Variants in NRXN1 observed in about 807,000 individuals in gnomAD.
NRXN1 encodes neurexin 1.
A neutral mutation model predicts 150.9 loss-of-function variants in NRXN1; 39 were observed. The ratio of observed to expected loss-of-function variants is 0.26; its 90% CI spans 0.20 to 0.34. NRXN1 has a LOEUF of 0.34. NRXN1 is among the 10% of genes least tolerant of loss of function. The pLI is 1.00. For missense variants in NRXN1, 1,815 were observed against 1,949.9 expected (o/e 0.93, Z 1.30); for synonymous variants, 924 against 757.0 (o/e 1.22, Z -3.62).
At chr2:50,573,504 G>A (rs953333208) in intron 8 of NRXN1, among the ~76,000 whole-genome samples, 1 of 151,984 alleles carries the variant, frequency 6.6e-6, no homozygotes, top group African/African-American at 2.4e-5. Flanking sequence ...AAATATAAAT[G>A]TATTAGAAGG....
At chr2:50,057,268 A>G (rs77682770) in intron 19 of NRXN1, among the ~76,000 whole-genome samples, 1 of 151,926 alleles carries the variant, frequency 6.6e-6, no homozygotes, top group Non-Finnish European at 1.5e-5. Context: ...ACTTCTTTCA[A>G]TTCTTCCAAA....
At chr2:50,654,272 T>C (rs1380263414) in intron 5 of NRXN1, among the ~76,000 whole-genome samples, 1 of 118,528 alleles carries the variant, frequency 8.4e-6, no homozygotes, top group Non-Finnish European at 1.9e-5. Flanking sequence ...AGTGAGAACA[T>C]GTGGTGTTTG....
At position 50,552,856 on chromosome 2, in the gene NRXN1, T is replaced by A. The variant is rs776101249; in HGVS notation, c.1490A>T (p.Asn497Ile). Reference sequence around the variant, plus strand: ...TGATATGGAGCCAGTTTTCTTTGCATTCCATTTAGGCAAAGAGATGAAAGA... The same window carrying A: ...TGATATGGAGCCAGTTTTCTTTGCAATCCATTTAGGCAAAGAGATGAAAGA... ...PESFISLPKW[N>I]AKKTGSISFD... The change falls in exon 9 of 23, where the codon AAT becomes ATT. Residue 497 changes from asparagine (N) to isoleucine (I), a missense_variant. By Grantham distance (149) the Asn-to-Ile change is moderately radical. Coordinates refer to ENST00000401669, the MANE Select transcript of NRXN1 (RefSeq NM_001330078.2). 1 of 1,614,008 alleles carries A rather than the reference T, an allele frequency of 6.2e-7. No homozygotes were observed. The highest frequency in any genetic ancestry group is 1.1e-5 in the South Asian group (1 of 91,088).
At chr2:50,217,196 T>G (rs902081496) in intron 18 of NRXN1, among the ~76,000 whole-genome samples, 3 of 152,078 alleles carry the variant, frequency 2.0e-5, no homozygotes, top group African/African-American at 7.2e-5. Context: ...TTCCCAATCC[T>G]TGATTATGAG....
intron 18 of NRXN1, among the ~76,000 whole-genome samples, chr2:50,153,703 GAAGAA>G (rs1345097515): frequency 3.3e-5 from 5 of 151,738 alleles, no homozygotes; most frequent in Non-Finnish European, 4.4e-5. Context: ...AAAAAAGAAA[GAAGAA>G]AAGAAAAGAA....
At chr2:49,985,299 G>A (rs1413201202) in intron 21 of NRXN1, among the ~76,000 whole-genome samples, 4 of 151,990 alleles carry the variant, frequency 2.6e-5, no homozygotes, top group African/African-American at 4.8e-5. Context: ...TTGATTCTAC[G>A]ATTCAATAAA....
chr2:50,818,050 T>TA (rs543021778), intron 5 of NRXN1, among the ~76,000 whole-genome samples: 29 of 94,496 alleles, frequency 3.1e-4, no homozygotes, highest in East Asian at 5.7e-4. Context: ...CAGCAAAAAG[T>TA]AAAAAAAATC....
chr2:50,120,928 T>G (rs1703764506), intron 18 of NRXN1, among the ~76,000 whole-genome samples: 1 of 152,352 alleles, frequency 6.6e-6, no homozygotes, highest in South Asian at 2.1e-4. Flanking sequence ...TAATTGCTGA[T>G]ACTTGAACTT....
chr2:50,008,148 A>C (rs1041784903), intron 21 of NRXN1, among the ~76,000 whole-genome samples: 3 of 152,158 alleles, frequency 2.0e-5, no homozygotes, highest in African/African-American at 7.2e-5. Context: ...GTATCTAGAC[A>C]TTCCCAAAAT....
At position 50,047,122 on chromosome 2, in the gene NRXN1, C is replaced by G. The variant is rs538013310; in HGVS notation, c.4128+6149G>C. Reference sequence around the variant, plus strand: ...GAGATCACAATGGAGGTGGTTAAGACTATGAGAAAGCAGGAGGTGATGAGA... The same window carrying G: ...GAGATCACAATGGAGGTGGTTAAGAGTATGAGAAAGCAGGAGGTGATGAGA... On this transcript the variant is annotated intron_variant, in intron 21 of 22. Coordinates refer to ENST00000401669, the MANE Select transcript of NRXN1 (RefSeq NM_001330078.2). 3.4e-4 allele frequency among the ~76,000 whole-genome samples: 52 copies of G among 152,036 alleles called. No homozygotes were observed. In the South Asian group the frequency reaches 0.01, roughly 30 times the overall value.
chr2:50,788,777 T>G (rs1300468378), intron 5 of NRXN1, among the ~76,000 whole-genome samples: 1 of 152,036 alleles, frequency 6.6e-6, no homozygotes, highest in African/African-American at 2.4e-5. Flanking sequence ...CAAAACTGAA[T>G]AAAGCATATC....
intron 21 of NRXN1, among the ~76,000 whole-genome samples, chr2:50,043,326 C>T (rs1691300659): frequency 6.6e-6 from 1 of 152,170 alleles, no homozygotes; most frequent in South Asian, 2.1e-4. Flanking sequence ...AAGTTGGGCA[C>T]TTAACTTTCC....
intron 5 of NRXN1, among the ~76,000 whole-genome samples, chr2:50,729,192 C>T (rs917544393): frequency 1.1e-4 from 16 of 152,046 alleles, no homozygotes; most frequent in Non-Finnish European, 1.9e-4. Context: ...TTGAAACGAT[C>T]TTTGTTTTGA....
intron 17 of NRXN1, among the ~76,000 whole-genome samples, chr2:50,290,271 T>C (rs2072747338): frequency 6.6e-6 from 1 of 152,168 alleles, no homozygotes; most frequent in South Asian, 2.1e-4. Context: ...ATTTACCCAA[T>C]ACTTCGCCTG....
rs73932961 is a variant in NRXN1, at chr2:50,161,243, T to C, written c.3547-69749A>G. Among the ~76,000 whole-genome samples the C allele has an allele frequency of 8.8e-3, 1,347 of 152,262 alleles. 22 individuals carry two copies. Among genetic ancestry groups the C allele is most frequent in the African/African-American group, 0.031 (1,288 of 41,548 alleles). On this transcript the variant is annotated intron_variant, in intron 18 of 22. Coordinates refer to ENST00000401669, the MANE Select transcript of NRXN1 (RefSeq NM_001330078.2). The stretch of plus-strand genomic sequence containing the variant: ...CTTTTATCTATTATATTACTTCATT[T>C]TCAAAATGGTCTTATAAAACAGGTA...
At chr2:50,325,837 G>C (rs534859154) in intron 17 of NRXN1, among the ~76,000 whole-genome samples, 82 of 152,072 alleles carry the variant, frequency 5.4e-4, no homozygotes, top group Non-Finnish European at 8.2e-4. Context: ...AAATTAATCT[G>C]ATAACATTTG....
intron 18 of NRXN1, among the ~76,000 whole-genome samples, chr2:50,106,916 T>C (rs1468069707): frequency 1.3e-5 from 2 of 152,006 alleles, no homozygotes; most frequent in Non-Finnish European, 2.9e-5. Flanking sequence ...AGCTAAGCCA[T>C]TTCAATGCTT....
chr2:50,174,933 G>T (rs1461210929), intron 18 of NRXN1: 1 of 152,146 alleles, frequency 6.6e-6, no homozygotes, highest in African/African-American at 2.4e-5. Context: ...AGCGTAGCAT[G>T]CTATCATTTG....
intron 5 of NRXN1, among the ~76,000 whole-genome samples, chr2:50,755,858 A>G (rs1701103131): frequency 6.6e-6 from 1 of 151,882 alleles, no homozygotes; most frequent in Non-Finnish European, 1.5e-5. Context: ...CCAATCCTGA[A>G]GGTGAGCTGA....
Sources: allele counts gnomAD v4.1 joint callset (sites outside exome capture counted in the v4.1 genomes callset), GRCh38; gene constraint gnomAD v4.1.1; transcripts MANE v1.5; gene names NCBI Gene and HGNC (gene_info 2026-07-23, HGNC 2026-07-21).